The following TPO variants were observed in gnomAD, a reference collection of about 807,000 sequenced individuals.
TPO encodes thyroid peroxidase, also known as thyroid microsomal antigen.
TPO carries 78 observed loss-of-function variants against 96.9 expected under a neutral mutation model. That is an observed-to-expected ratio of 0.81 (90% CI 0.67 to 0.97). The LOEUF (loss-of-function observed/expected upper bound fraction) is 0.97. Ranked by LOEUF, TPO falls within the 50% of genes least tolerant of loss-of-function variation. TPO has a pLI of 0.00. For synonymous variants in TPO, 547 were observed against 538.0 expected (o/e 1.02, Z -0.23); for missense variants, 1,252 against 1,274.8 (o/e 0.98, Z 0.27).
At chr2:1,475,377 A>T (rs1282532322) in intron 7 of TPO, among the ~76,000 whole-genome samples, 2 of 149,542 alleles carry the variant, frequency 1.3e-5, no homozygotes, top group Admixed American at 1.3e-4. Context: ...GTCTACTCTA[A>T]GCCTCGCAGG....
At chr2:1,408,909 G>A (rs887295018), upstream of TPO, among the ~76,000 whole-genome samples, 42 of 152,212 alleles carry the variant, frequency 2.8e-4, no homozygotes, top group African/African-American at 9.9e-4. Flanking sequence ...TGGCTGAAAT[G>A]TCTGAAGGGC....
intron 15 of TPO, among the ~76,000 whole-genome samples, chr2:1,526,696 C>A (rs112952215): frequency 2.8e-5 from 2 of 71,348 alleles, no homozygotes; most frequent in African/African-American, 1.1e-4. Context: ...AATCCCCCCC[C>A]CACTGTATGC....
At chr2:1,512,355 T>C in intron 14 of TPO, 1 of 980,834 alleles carries the variant, frequency 1.0e-6, no homozygotes, top group Non-Finnish European at 1.2e-6. Context: ...TGCTAAGGAA[T>C]CCTCCTGCCT....
At chr2:1,495,462 G>A (rs945218883) in intron 11 of TPO, among the ~76,000 whole-genome samples, 2 of 152,228 alleles carry the variant, frequency 1.3e-5, no homozygotes, top group Non-Finnish European at 2.9e-5. Context: ...TGAAGGTAGA[G>A]AGACTGTGCA....
At chr2:1,511,769 C>T (rs1034551329) in intron 14 of TPO, among the ~76,000 whole-genome samples, 2 of 152,196 alleles carry the variant, frequency 1.3e-5, no homozygotes, top group Non-Finnish European at 1.5e-5. Context: ...ACTGCAATTA[C>T]CTCCTCAAAT....
rs540467208 is a variant in TPO, at chr2:1,477,657, G to A, written c.1338+53G>A. On this transcript the variant is annotated intron_variant, in intron 8 of 16. Transcript: ENST00000329066. ...GGTGGCTGCGGGCAAAGCGGGGGGCGCCTCGTGTGGGTGCGCAGCATCGTG... is the reference window on the plus strand; with the variant it reads ...GGTGGCTGCGGGCAAAGCGGGGGGCACCTCGTGTGGGTGCGCAGCATCGTG... The A allele has an allele frequency of 9.1e-6, 13 of 1,435,106 alleles. No homozygotes were observed. In the African/African-American group the frequency reaches 1.5e-4, roughly 16 times the overall value. 88.9% of individuals were successfully genotyped at this position (1,435,106 alleles called of 1,614,324 possible).
In TPO at chr2:1,542,675, T is replaced by C. The variant is rs756643981; in HGVS notation, c.*201T>C. ...TTTGTCTGGCCTTTTCTTGTAAACA[T>C]TGCCTGATTTGTTCCTTCTGGGGCT... On this transcript the variant is annotated 3_prime_UTR_variant, in exon 17 of 17. Coordinates refer to ENST00000329066, the MANE Select transcript of TPO (RefSeq NM_001206744.2). 4.1e-6 allele frequency: 6 copies of C among 1,472,926 alleles called. No individual in the cohort carries two copies. Among genetic ancestry groups the C allele is most frequent in the Non-Finnish European group, 4.6e-6 (5 of 1,085,648 alleles). 91.2% of individuals were successfully genotyped at this position (1,472,926 alleles called of 1,614,324 possible).
At chr2:1,526,346 A>G (rs867471361) in intron 15 of TPO, among the ~76,000 whole-genome samples, 1 of 46,206 alleles carries the variant, frequency 2.2e-5, no homozygotes, top group Non-Finnish European at 3.8e-5. Flanking sequence ...AGTGTGTGCA[A>G]CCTCAATTCC....
chr2:1,539,565 A>G (rs376298776), intron 15 of TPO, among the ~76,000 whole-genome samples: 2 of 152,092 alleles, frequency 1.3e-5, no homozygotes. Flanking sequence ...CGGAGTCCGC[A>G]AGGGTGGGGC....
At chr2:1,497,567 A>G (rs1262789693) in intron 13 of TPO, among the ~76,000 whole-genome samples, 1 of 152,046 alleles carries the variant, frequency 6.6e-6, no homozygotes, top group Non-Finnish European at 1.5e-5. Flanking sequence ...CTGCCACAAA[A>G]CCTGGACCGC....
At chr2:1,375,096 AT>A (rs138117973) in intron 1 of TPO, among the ~76,000 whole-genome samples, 3,189 of 143,834 alleles carry the variant, frequency 0.022, 119 homozygotes, top group African/African-American at 0.074. Flanking sequence ...AGAGTTTTTA[AT>A]TTTTTTTTAA....
At chr2:1,521,756 C>T (rs1282629151) in intron 15 of TPO, among the ~76,000 whole-genome samples, 4 of 151,976 alleles carry the variant, frequency 2.6e-5, no homozygotes, top group Admixed American at 1.3e-4. Flanking sequence ...GTGAGGCACT[C>T]AGGCCCCAGA....
At chr2:1,380,168 G>A (rs2148341722) in intron 1 of TPO, among the ~76,000 whole-genome samples, 1 of 152,290 alleles carries the variant, frequency 6.6e-6, no homozygotes, top group East Asian at 1.9e-4. Context: ...GCCGAGGTGG[G>A]CGGATCATGA....
intron 15 of TPO, among the ~76,000 whole-genome samples, chr2:1,518,596 T>C (rs1433999443): frequency 6.6e-6 from 1 of 152,120 alleles, no homozygotes; most frequent in Admixed American, 6.5e-5. Flanking sequence ...TGCATGAGCT[T>C]ATGATCTATC....
intron 16 of TPO, chr2:1,541,765 T>C (rs1459922599): frequency 6.5e-6 from 1 of 153,132 alleles, no homozygotes; most frequent in East Asian, 1.9e-4. Context: ...CATAAATATA[T>C]GCAGTTAGTA....
At chr2:1,473,275 G>A (rs1013111831) in intron 7 of TPO, among the ~76,000 whole-genome samples, 5 of 152,110 alleles carry the variant, frequency 3.3e-5, no homozygotes, top group Non-Finnish European at 5.9e-5. Flanking sequence ...GTCTGGGTGC[G>A]TTTTATTCCC....
At chr2:1,378,252 G>T (rs1428810469) in intron 1 of TPO, among the ~76,000 whole-genome samples, 1 of 152,174 alleles carries the variant, frequency 6.6e-6, no homozygotes, top group Non-Finnish European at 1.5e-5. Flanking sequence ...TTTTTAATTG[G>T]CAAGTGCCCT....
In TPO at chr2:1,542,840, G is replaced by A; in HGVS notation, c.*366G>A. 2.4e-6 allele frequency: 1 copy of A among 408,788 alleles called. No homozygotes were observed. The allele number at this position is 408,788 out of a possible 1,614,324, so 25.3% of individuals were successfully genotyped here. A position where few individuals can be genotyped will look rare whatever the true frequency, so the allele number is the denominator to read the frequency against. On this transcript the variant is annotated 3_prime_UTR_variant, in exon 17 of 17. Coordinates refer to ENST00000329066, the MANE Select transcript of TPO (RefSeq NM_001206744.2). ...GCACTCTGCCCCGGCGGTCCCTCCAGCACTGGTTTTTCCACACCCCCTGCC... is the reference window on the plus strand; with the variant it reads ...GCACTCTGCCCCGGCGGTCCCTCCAACACTGGTTTTTCCACACCCCCTGCC...
Position 1,453,817 on chromosome 2 carries a change from GC to G in TPO, c.611del (p.Pro204ArgfsTer5). ...PGFLYNGFPLPPVREVTRHVI... is the reference protein window; with the variant it reads ...PGFLYNGFPLXPVREVTRHVI... ...GCTTCTTGTACAACGGGTTCCCACT[GC>G]CCCCGGTGGGTACTCAGAACGCTAC... is the stretch of plus-strand genomic sequence containing the variant. On this transcript the variant is annotated frameshift_variant, in exon 6 of 17. Transcript: ENST00000329066. LOFTEE classifies it high-confidence loss of function. 1 of 1,613,722 alleles carries G rather than the reference GC, an allele frequency of 6.2e-7. No individual in the cohort carries two copies. Among genetic ancestry groups the G allele is most frequent in the Admixed American group, 1.7e-5 (1 of 60,026 alleles).
Sources: allele counts gnomAD v4.1 joint callset (sites outside exome capture counted in the v4.1 genomes callset), GRCh38; gene constraint gnomAD v4.1.1; transcripts MANE v1.5; gene names NCBI Gene and HGNC (gene_info 2026-07-23, HGNC 2026-07-21).